IL2RB: variants seen among roughly 807,000 people sequenced by gnomAD.
The protein encoded by IL2RB is interleukin 2 receptor subunit beta.
In IL2RB, 17 loss-of-function variants were observed where a neutral mutation model predicts 44.2. That is an observed-to-expected ratio of 0.38 (90% CI 0.26 to 0.58). The LOEUF is 0.58. Among genes scored for constraint, IL2RB ranks in the 20% least tolerant of loss-of-function variants. The pLI is 0.63. For missense variants in IL2RB, 624 were observed against 685.5 expected (o/e 0.91, Z 1.00); for synonymous variants, 286 against 297.9 (o/e 0.96, Z 0.41).
intron 9 of IL2RB, among the ~76,000 whole-genome samples, chr22:37,129,458 C>T (rs1222504146): frequency 6.6e-6 from 1 of 150,598 alleles, no homozygotes; most frequent in Non-Finnish European, 1.5e-5. Context: ...GTCCCCACCC[C>T]CACCCCCTCC....
chr22:37,152,295 C>T (rs909133291), upstream of IL2RB, among the ~76,000 whole-genome samples: 55 of 152,148 alleles, frequency 3.6e-4, no homozygotes, highest in African/African-American at 1.2e-3. Flanking sequence ...TTTTTGGTTA[C>T]GTTTATTCCT....
In IL2RB at chr22:37,127,872, C is replaced by A. The variant is rs1474364788; in HGVS notation, c.*224G>T. Reference sequence around the variant, plus strand: ...TTGGGGAGTTACTGCCCCCCTGCAACACACACAGTTCCTGGCTCGGGCAGC... The same window carrying A: ...TTGGGGAGTTACTGCCCCCCTGCAAAACACACAGTTCCTGGCTCGGGCAGC... On this transcript the variant is annotated 3_prime_UTR_variant, in exon 10 of 10. Transcript: ENST00000216223. 1 of 401,748 alleles carries A rather than the reference C, an allele frequency of 2.5e-6. No individual in the cohort carries two copies. The highest frequency in any genetic ancestry group is 4.4e-5 in the Admixed American group (1 of 22,914). 24.9% of individuals were successfully genotyped at this position (401,748 alleles called of 1,614,324 possible).
At chr22:37,143,743 G>T in intron 2 of IL2RB, 108 bp from the exon 3 acceptor site, 1 of 788,488 alleles carries the variant, frequency 1.3e-6, no homozygotes, top group Non-Finnish European at 2.2e-6. Flanking sequence ...AGGAGGAGGT[G>T]GGTAACTCTG....
Position 37,136,231 on chromosome 22 carries a change from C to T in IL2RB, c.700G>A (p.Ala234Thr), listed in dbSNP as rs1401435860. Residue 234 changes from alanine (A) to threonine (T), a missense_variant, in exon 7 of 10, where the codon GCA (alanine) becomes ACA (threonine). Around this residue, in one of 3 missense-constraint regions of IL2RB, gnomAD observed 255 missense variants for 339.9 expected, o/e 0.75. Coordinates refer to ENST00000216223, the MANE Select transcript of IL2RB (RefSeq NM_000878.5). ...CACCCTTGCCGCCCACCAGTACCTG[C>T]AGGCTTTGTCCTGAAGGCCAGGGGC... ...SQPLAFRTKP[A>T]ALGKDTIPWL... 25 of 1,609,380 alleles carry T rather than the reference C, an allele frequency of 1.6e-5. No homozygotes were observed. The highest frequency in any genetic ancestry group is 6.7e-5 in the African/African-American group (5 of 74,780).
At chr22:37,161,066 C>T (rs569766151) in intron 1 of IL2RB, among the ~76,000 whole-genome samples, 41 of 152,312 alleles carry the variant, frequency 2.7e-4, no homozygotes, top group Middle Eastern at 3.4e-3. Flanking sequence ...GCTTGAACCC[C>T]GGGAGGTGGA....
At chr22:37,136,555 G>A in intron 6 of IL2RB, 162 bp from the exon 7 acceptor site, 1 of 732,018 alleles carries the variant, frequency 1.4e-6, no homozygotes, top group Non-Finnish European at 2.2e-6. Flanking sequence ...CAAACCCCAG[G>A]GTCATCCCCT....
At chr22:37,171,370 AAAC>A (rs1923278991) in intron 1 of IL2RB, among the ~76,000 whole-genome samples, 1 of 152,352 alleles carries the variant, frequency 6.6e-6, no homozygotes, top group South Asian at 2.1e-4. Flanking sequence ...ACAGTGAACA[AAAC>A]AAAGACGCCT....
At chr22:37,168,496 G>A (rs1923154007) in intron 1 of IL2RB, among the ~76,000 whole-genome samples, 1 of 152,222 alleles carries the variant, frequency 6.6e-6, no homozygotes, top group South Asian at 2.1e-4. Flanking sequence ...CTTCCTAGCT[G>A]TGTGATCTTG....
At chr22:37,164,293 C>A (rs1212728648) in intron 1 of IL2RB, among the ~76,000 whole-genome samples, 1 of 152,052 alleles carries the variant, frequency 6.6e-6, no homozygotes, top group Non-Finnish European at 1.5e-5. Context: ...GAGACCTGGC[C>A]AGTGCACAAG....
chr22:37,142,446 G>T lies in IL2RB; in HGVS notation c.270C>A (p.Leu90=), dbSNP rs760939018. 1 of 1,614,086 alleles carries T rather than the reference G, an allele frequency of 6.2e-7. No individual in the cohort carries two copies. Among genetic ancestry groups the T allele is most frequent in the Non-Finnish European group, 8.5e-7 (1 of 1,179,944 alleles). ...SQASWACNLI[L]GAPDSQKLTT... Reference sequence around the variant, plus strand: ...GTGGGCTACTCACATCTGGGGCTCCGAGGATCAGGTTGCAGGCCCAGGATG... The same window carrying T: ...GTGGGCTACTCACATCTGGGGCTCCTAGGATCAGGTTGCAGGCCCAGGATG... The change falls in exon 4 of 10, where the codon CTC becomes CTA. Residue 90 remains leucine (L), a synonymous_variant. Coordinates refer to ENST00000216223, the MANE Select transcript of IL2RB (RefSeq NM_000878.5).
chr22:37,134,940 C>T (rs1367950555), intron 8 of IL2RB, among the ~76,000 whole-genome samples: 3 of 152,182 alleles, frequency 2.0e-5, no homozygotes, highest in East Asian at 1.9e-4. Flanking sequence ...GATGGACCGG[C>T]GGGGACCCAG....
chr22:37,174,102 C>T (rs997501890), intron 1 of IL2RB, among the ~76,000 whole-genome samples: 2 of 152,154 alleles, frequency 1.3e-5, no homozygotes, highest in Non-Finnish European at 2.9e-5. Flanking sequence ...CTCACTTCCC[C>T]GAGGTTGGGT....
At chr22:37,130,000 C>A (rs532618581) in intron 9 of IL2RB, among the ~76,000 whole-genome samples, 73 of 152,292 alleles carry the variant, frequency 4.8e-4, no homozygotes, top group Non-Finnish European at 8.5e-4. Flanking sequence ...AGGGAGAGTC[C>A]CTGAGGCTGA....
chr22:37,134,585 G>T (rs1321436603), intron 8 of IL2RB, among the ~76,000 whole-genome samples: 3 of 152,184 alleles, frequency 2.0e-5, no homozygotes, highest in African/African-American at 4.8e-5. Flanking sequence ...CAGCCTAGGT[G>T]ACAGAGTGAG....
intron 1 of IL2RB, among the ~76,000 whole-genome samples, chr22:37,163,440 A>C (rs745766465): frequency 1.1e-4 from 16 of 152,130 alleles, no homozygotes; most frequent in Non-Finnish European, 2.4e-4. Flanking sequence ...CCCAAAGAGA[A>C]ATGGGGGGGC....
In IL2RB at chr22:37,141,437, G is replaced by A. The variant is rs189619317; in HGVS notation, c.282+997C>T. Among the ~76,000 whole-genome samples, 86 of 152,198 alleles carry A rather than the reference G, an allele frequency of 5.7e-4. No individual in the cohort carries two copies. The highest frequency in any genetic ancestry group is 3.4e-3 in the Middle Eastern group (1 of 292). ...GGCCTCTCCCCTGCTTCTGGCACCC[G>A]ATCTGATCCTGGAGGCACAGTCGGG... On this transcript the variant is annotated intron_variant, in intron 4 of 9. Transcript: ENST00000216223. The surrounding 1 kb of genome is among the most constrained non-coding windows in gnomAD (Gnocchi z 4.4).
chr22:37,143,708 T>C, intron 2 of IL2RB, 73 bp from the exon 3 acceptor site: 1 of 1,058,772 alleles, frequency 9.4e-7, no homozygotes, highest in Non-Finnish European at 1.5e-6. Flanking sequence ...CCACTGCCCC[T>C]GCACCTGGCA....
intron 2 of IL2RB, 23 bp from the exon 3 acceptor site, chr22:37,143,658 AG>A (rs753622149): frequency 1.3e-6 from 2 of 1,551,644 alleles, no homozygotes; most frequent in Non-Finnish European, 1.8e-6. Flanking sequence ...ATGAGGTGTG[AG>A]TGCTGACTGT....
chr22:37,141,661 C>T lies in IL2RB; in HGVS notation c.282+773G>A, dbSNP rs568374606. Among the ~76,000 whole-genome samples the T allele has an allele frequency of 4.3e-4, 66 of 152,312 alleles. No homozygotes were observed. Among genetic ancestry groups the T allele is most frequent in the African/African-American group, 1.5e-3 (63 of 41,572 alleles). On this transcript the variant is annotated intron_variant, in intron 4 of 9. Coordinates refer to ENST00000216223, the MANE Select transcript of IL2RB (RefSeq NM_000878.5). This position sits in a 1 kb window ranked among gnomAD's most constrained non-coding sequence, Gnocchi z 4.4. ...TCCAGTGCCCACTCCAATCTCAGAG[C>T]GGGACCAAGCCCAGGCACTACCACA...
Sources: allele counts gnomAD v4.1 joint callset (sites outside exome capture counted in the v4.1 genomes callset), GRCh38; gene constraint gnomAD v4.1.1; regional missense constraint gnomAD v4.1.1; non-coding constraint Gnocchi (gnomAD v3.1); transcripts MANE v1.5; gene names NCBI Gene and HGNC (gene_info 2026-07-23, HGNC 2026-07-21).